The following DTNA variants were observed in gnomAD, a reference collection of about 807,000 sequenced individuals.
DTNA encodes the protein dystrophin-related protein 3.
Under a neutral mutation model 100.7 loss-of-function variants are expected in DTNA, and 43 were observed. That is an observed-to-expected ratio of 0.43 (90% CI 0.33 to 0.55). DTNA has a LOEUF of 0.55. DTNA is among the 20% of genes least tolerant of loss of function. DTNA has a pLI of 0.04. For missense variants in DTNA, 798 were observed against 953.9 expected, an observed-to-expected ratio of 0.84 and a Z score of 2.15; for synonymous variants, 349 against 347.9, an observed-to-expected ratio of 1.00 and a Z score of -0.04.
chr18:34,632,697 A>T (rs1668075135), intron 1 of DTNA, among the ~76,000 whole-genome samples: 1 of 152,162 alleles, frequency 6.6e-6, no homozygotes, highest in South Asian at 2.1e-4. Context: ...GAACTTCAGC[A>T]TTTGCTACAA....
At position 34,888,247 on chromosome 18, in the gene DTNA, A is replaced by G. The variant is rs186132677; in HGVS notation, c.*513A>G. On this transcript the variant is annotated 3_prime_UTR_variant, in exon 23 of 23. Transcript: ENST00000444659. ...GAATTCTTTGAGATTTTAGCAAAAC[A>G]GTTTATTATACACTGTACATTTTTT... 4.1e-6 allele frequency: 4 copies of G among 985,894 alleles called. No individual in the cohort carries two copies. Among genetic ancestry groups the G allele is most frequent in the East Asian group, 1.1e-4 (1 of 8,818 alleles). 61.1% of individuals were successfully genotyped at this position (985,894 alleles called of 1,614,324 possible).
chr18:34,871,678 T>A (rs1348673027), intron 17 of DTNA, among the ~76,000 whole-genome samples: 1 of 152,034 alleles, frequency 6.6e-6, no homozygotes, highest in African/African-American at 2.4e-5. Flanking sequence ...TCTGCCCCAA[T>A]GCCAAGAGGC....
At chr18:34,571,133 C>G (rs915996961) in intron 1 of DTNA, among the ~76,000 whole-genome samples, 4 of 152,198 alleles carry the variant, frequency 2.6e-5, no homozygotes, top group Admixed American at 1.3e-4. Flanking sequence ...CCTATATTGA[C>G]TGGCTACAAA....
rs540832338 is a variant in DTNA, at chr18:34,861,040, G to T, written c.1646+2642G>T. Among the ~76,000 whole-genome samples the T allele has an allele frequency of 1.5e-3, 229 of 152,102 alleles. 1 individual carries two copies. The highest frequency in any genetic ancestry group is 5.3e-3 in the African/African-American group (219 of 41,470). The stretch of plus-strand genomic sequence containing the variant: ...CTTAGAAAAAAATTTGTATAATTGT[G>T]TGTAATTTATGTATATATTTCCTAA... On this transcript the variant is annotated intron_variant, in intron 16 of 22. Coordinates refer to ENST00000444659, the MANE Select transcript of DTNA (RefSeq NM_001386795.1).
intron 1 of DTNA, among the ~76,000 whole-genome samples, chr18:34,497,199 G>A (rs1434785582): frequency 6.6e-6 from 1 of 152,090 alleles, no homozygotes; most frequent in Non-Finnish European, 1.5e-5. Context: ...AAAGTGCCAG[G>A]ATGTCTCAAA....
At chr18:34,838,960 T>C in intron 13 of DTNA, 123 bp downstream of exon 13, 1 of 788,438 alleles carries the variant, frequency 1.3e-6, no homozygotes, top group African/African-American at 1.7e-5. Context: ...CACTGTTAAC[T>C]GGTTCAGTTA....
intron 3 of DTNA, among the ~76,000 whole-genome samples, chr18:34,777,474 C>G (rs1237730683): frequency 2.6e-5 from 4 of 152,192 alleles, no homozygotes; most frequent in Admixed American, 1.3e-4. Flanking sequence ...TACCCCAATG[C>G]TCAGTATCCA....
chr18:34,654,894 T>C (rs2074138255), intron 1 of DTNA, among the ~76,000 whole-genome samples: 1 of 152,082 alleles, frequency 6.6e-6, no homozygotes, highest in Non-Finnish European at 1.5e-5. Flanking sequence ...ACCCAGCTTA[T>C]TTTTGTATTT....
intron 1 of DTNA, among the ~76,000 whole-genome samples, chr18:34,606,165 A>G (rs1231128575): frequency 6.6e-6 from 1 of 152,042 alleles, no homozygotes; most frequent in African/African-American, 2.4e-5. Flanking sequence ...ATAACTGGGT[A>G]TTTGCATGCA....
chr18:34,590,133 G>T (rs977906201), intron 1 of DTNA, among the ~76,000 whole-genome samples: 2 of 152,066 alleles, frequency 1.3e-5, no homozygotes, highest in African/African-American at 4.8e-5. Flanking sequence ...GAGATTGCTG[G>T]GTATATTTTT....
chr18:34,756,798 T>G (rs946243236), intron 2 of DTNA, among the ~76,000 whole-genome samples: 2 of 152,126 alleles, frequency 1.3e-5, no homozygotes, highest in African/African-American at 4.8e-5. Flanking sequence ...GAACTTGACA[T>G]TAGGGAGAAA....
intron 1 of DTNA, among the ~76,000 whole-genome samples, chr18:34,645,824 C>T (rs1226325099): frequency 7.5e-6 from 1 of 133,784 alleles, no homozygotes; most frequent in East Asian, 1.9e-4. Context: ...ATTTTCCACT[C>T]TTTAACTCGT....
At chr18:34,752,358 TTC>T (rs1276132843) in intron 1 of DTNA, among the ~76,000 whole-genome samples, 2 of 152,228 alleles carry the variant, frequency 1.3e-5, no homozygotes, top group Non-Finnish European at 2.9e-5. Flanking sequence ...TGACATGCTC[TTC>T]TCTCTTTCAA....
intron 1 of DTNA, among the ~76,000 whole-genome samples, chr18:34,722,901 TCTTA>T (rs1469181879): frequency 3.9e-5 from 6 of 152,354 alleles, no homozygotes; most frequent in South Asian, 4.1e-4. Context: ...TGTTCATCTT[TCTTA>T]CTTTATTTAT....
At chr18:34,736,864 A>C (rs2089706192) in intron 1 of DTNA, among the ~76,000 whole-genome samples, 2 of 152,192 alleles carry the variant, frequency 1.3e-5, no homozygotes, top group Admixed American at 6.5e-5. Flanking sequence ...TTGTTCTAGA[A>C]ATGACAAAAC....
Position 34,517,083 on chromosome 18 carries a change from T to C in DTNA, c.-2+23569T>C, listed in dbSNP as rs2145096914. On this transcript the variant is annotated intron_variant, in intron 1 of 19. Coordinates refer to the DTNA transcript ENST00000283365. The stretch of plus-strand genomic sequence containing the variant: ...ATGTCCATGAAATCTTCACAATTTA[T>C]GTTCTTCTGCCATGGCTTCAGCTGG... 2.0e-5 allele frequency among the ~76,000 whole-genome samples: 3 copies of C among 152,240 alleles called. No individual in the cohort carries two copies. The East Asian group carries it at 5.8e-4, about 29-fold the overall frequency.
chr18:34,570,708 A>G (rs2047504363), intron 1 of DTNA, among the ~76,000 whole-genome samples: 1 of 152,222 alleles, frequency 6.6e-6, no homozygotes, highest in Admixed American at 6.5e-5. Flanking sequence ...TGGTAGGATC[A>G]GACATCAGCA....
chr18:34,515,118 T>C (rs1183300782), intron 1 of DTNA, among the ~76,000 whole-genome samples: 1 of 152,060 alleles, frequency 6.6e-6, no homozygotes, highest in Non-Finnish European at 1.5e-5. Flanking sequence ...AACAGCTGGC[T>C]CAACTCATTC....
intron 1 of DTNA, among the ~76,000 whole-genome samples, chr18:34,753,361 A>ATTTTTTTTTTTTTTTTT (rs751756097): frequency 1.0e-5 from 1 of 96,906 alleles, no homozygotes; most frequent in African/African-American, 5.3e-5. Context: ...TTATTTATTT[A>ATTTTTTTTTTTTTTTTT]TTTTATTTTT....
Sources: gnomAD v4.1 joint callset for allele counts (sites outside exome capture counted in the v4.1 genomes callset) on GRCh38, gnomAD v4.1.1 for gene constraint, MANE v1.5 for transcripts, NCBI Gene and HGNC (gene_info 2026-07-23, HGNC 2026-07-21) for gene names.